NEBL: variants seen among roughly 807,000 people sequenced by gnomAD.
NEBL encodes the protein LIM and SH3 protein 2.
In NEBL, 122 loss-of-function variants were observed where a neutral mutation model predicts 140.2. That is an observed-to-expected ratio of 0.87 (90% CI 0.75 to 1.01). The LOEUF (loss-of-function observed/expected upper bound fraction) is 1.01, where lower values mean the gene tolerates loss of function less well. Among genes scored for constraint, NEBL ranks in the 50% least tolerant of loss-of-function variants. The pLI is 0.00. For missense variants in NEBL, 1,365 were observed against 1,231.3 expected (o/e 1.11, Z -1.62); for synonymous variants, 436 against 398.9 (o/e 1.09, Z -1.11).
chr10:21,041,377 C>G (rs1053531214), intron 2 of NEBL, among the ~76,000 whole-genome samples: 1 of 152,196 alleles, frequency 6.6e-6, no homozygotes, highest in Non-Finnish European at 1.5e-5. Flanking sequence ...GCCACTGCAG[C>G]TTCAATACTG....
intron 2 of NEBL, among the ~76,000 whole-genome samples, chr10:21,104,134 T>G (rs907457289): frequency 6.6e-6 from 1 of 152,220 alleles, no homozygotes; most frequent in African/African-American, 2.4e-5. Context: ...TCTACCTGTA[T>G]GATATTACCA....
intron 2 of NEBL, among the ~76,000 whole-genome samples, chr10:21,034,805 A>T (rs1833948424): frequency 6.6e-6 from 1 of 152,096 alleles, no homozygotes; most frequent in African/African-American, 2.4e-5. Flanking sequence ...CATCTTTTTT[A>T]AATTTTTATT....
chr10:21,053,900 G>T (rs1267262270), intron 2 of NEBL, among the ~76,000 whole-genome samples: 2 of 152,106 alleles, frequency 1.3e-5, no homozygotes, highest in Non-Finnish European at 2.9e-5. Context: ...AGGCATGGTG[G>T]TTCGCACCTG....
intron 4 of NEBL, among the ~76,000 whole-genome samples, chr10:20,940,613 C>T (rs530443964): frequency 4.2e-5 from 6 of 141,328 alleles, no homozygotes; most frequent in Non-Finnish European, 7.6e-5. Flanking sequence ...AATAGAGACA[C>T]AAAAAACCCT....
chr10:20,797,916 C>A (rs1040962712), intron 26 of NEBL, among the ~76,000 whole-genome samples: 1 of 151,906 alleles, frequency 6.6e-6, no homozygotes, highest in African/African-American at 2.4e-5. Context: ...GCCTGGGCAA[C>A]AGAGCAAGAA....
intron 1 of NEBL, among the ~76,000 whole-genome samples, chr10:21,263,693 A>G (rs575280508): frequency 6.6e-6 from 1 of 152,162 alleles, no homozygotes; most frequent in Non-Finnish European, 1.5e-5. Context: ...GGCCAGGCAC[A>G]GTGGCTCACG....
At chr10:21,150,304 T>C (rs1726224) in intron 2 of NEBL, among the ~76,000 whole-genome samples, 48,025 of 152,176 alleles carry the variant, frequency 0.32, 9,349 homozygotes, top group East Asian at 0.53. Context: ...ATCAACTTTC[T>C]GACAAATTCT....
At chr10:20,947,318 G>C (rs968574396) in intron 4 of NEBL, among the ~76,000 whole-genome samples, 5 of 152,128 alleles carry the variant, frequency 3.3e-5, no homozygotes, top group African/African-American at 1.2e-4. Context: ...GATTTAAGAT[G>C]AGAAGGTACT....
intron 4 of NEBL, among the ~76,000 whole-genome samples, chr10:20,941,707 C>T (rs968217596): frequency 6.6e-6 from 1 of 151,912 alleles, no homozygotes; most frequent in African/African-American, 2.4e-5. Flanking sequence ...CCCAAAACCT[C>T]CTTAATTAAG....
chr10:21,006,215 G>C (rs1348612925), intron 3 of NEBL, among the ~76,000 whole-genome samples: 3 of 152,110 alleles, frequency 2.0e-5, no homozygotes, highest in African/African-American at 4.8e-5. Flanking sequence ...TTCCAGTTTT[G>C]TGCTACTACA....
At position 20,793,041 on chromosome 10, in the gene NEBL, G is replaced by C. The variant is rs188117249; in HGVS notation, c.2762-5733C>G. Among the ~76,000 whole-genome samples, 522 of 152,212 alleles carry C rather than the reference G, an allele frequency of 3.4e-3. 2 individuals are homozygous for C. Among genetic ancestry groups the C allele is most frequent in the Middle Eastern group, 6.8e-3 (2 of 294 alleles). ...CAAGATGCTATTTTTTAATCTGAAA[G>C]GATTCTTAGCACTACAGAAACCCCT... On this transcript the variant is annotated intron_variant, in intron 26 of 27. Coordinates refer to ENST00000377122, the MANE Select transcript of NEBL (RefSeq NM_006393.3).
At chr10:21,179,648 G>A (rs61851504), upstream of NEBL, among the ~76,000 whole-genome samples, 264 of 152,160 alleles carry the variant, frequency 1.7e-3, 1 homozygote, top group African/African-American at 6.2e-3. Flanking sequence ...TTACTGTGCA[G>A]TGAGGCATTT....
chr10:21,262,162 G>T (rs1269733079), intron 1 of NEBL, among the ~76,000 whole-genome samples: 2 of 152,178 alleles, frequency 1.3e-5, no homozygotes, highest in Non-Finnish European at 2.9e-5. Context: ...CTCGATAGGA[G>T]ATTCAAAACT....
At chr10:21,165,358 C>G (rs1029059093) in intron 2 of NEBL, among the ~76,000 whole-genome samples, 1 of 152,184 alleles carries the variant, frequency 6.6e-6, no homozygotes, top group Admixed American at 6.5e-5. Flanking sequence ...CAGCAGGATA[C>G]TTTATTATCC....
intron 2 of NEBL, among the ~76,000 whole-genome samples, chr10:21,036,884 T>C (rs1834037045): frequency 6.6e-6 from 1 of 152,102 alleles, no homozygotes; most frequent in African/African-American, 2.4e-5. Context: ...GCAACACTAC[T>C]CAAGCGTAGA....
In NEBL at chr10:20,842,018, A is replaced by G. The variant is rs149554039; in HGVS notation, c.1228-1169T>C. Among the ~76,000 whole-genome samples the G allele has an allele frequency of 4.0e-3, 614 of 152,282 alleles. 8 individuals carry two copies. The highest frequency in any genetic ancestry group is 0.014 in the African/African-American group (570 of 41,556). On this transcript the variant is annotated intron_variant, in intron 12 of 27. Transcript: ENST00000377122. The stretch of plus-strand genomic sequence containing the variant: ...TCTTACTTAATTGCGTATGAAAATC[A>G]TAAATATCTTATTCCTATTCAACTA...
chr10:21,049,297 T>C (rs923929189), intron 2 of NEBL, among the ~76,000 whole-genome samples: 5 of 152,232 alleles, frequency 3.3e-5, no homozygotes, highest in African/African-American at 4.8e-5. Context: ...GTTTCTCCTA[T>C]GAGGGTTGCT....
chr10:20,924,696 TA>T (rs1221792162), intron 4 of NEBL, among the ~76,000 whole-genome samples: 11 of 152,054 alleles, frequency 7.2e-5, no homozygotes, highest in Admixed American at 7.2e-4. Context: ...AGGAAAGTGA[TA>T]GACATGAAAG....
rs769121653 is a variant in NEBL at position 21,149,187 on chromosome 10, C to T, written c.164+23196G>A. On this transcript the variant is annotated intron_variant, in intron 2 of 6. Transcript: ENST00000417816. ...CAAGAGAACACTGTAGTGAGAACTT[C>T]GGGGCAGCTGTTCCTGGAGGGGGTG... is the stretch of plus-strand genomic sequence containing the variant. 2.6e-5 allele frequency among the ~76,000 whole-genome samples: 4 copies of T among 152,324 alleles called. No homozygotes were observed. In the East Asian group the frequency reaches 5.8e-4, roughly 22 times the overall value.
Sources: gnomAD v4.1 joint callset for allele counts (sites outside exome capture counted in the v4.1 genomes callset) on GRCh38, gnomAD v4.1.1 for gene constraint, MANE v1.5 for transcripts, NCBI Gene and HGNC (gene_info 2026-07-23, HGNC 2026-07-21) for gene names.